ABCB5: variants seen among roughly 807,000 people sequenced by gnomAD.
ABCB5 encodes ATP-binding cassette sub-family B member 5.
A neutral mutation model predicts 144.2 loss-of-function variants in ABCB5; 155 were observed. The observed-to-expected ratio is 1.08, with a 90% CI of 0.94 to 1.23. The LOEUF is 1.23. Ranked by LOEUF, ABCB5 falls within the 50% of genes most tolerant of loss-of-function variation. The probability of loss-of-function intolerance (pLI) is 0.00; values close to 1 mark genes in which losing one functional copy is unlikely to be tolerated. For missense variants in ABCB5, 1,830 were observed against 1,520.8 expected, an observed-to-expected ratio of 1.20 and a Z score of -3.38; for synonymous variants, 610 against 528.6, an observed-to-expected ratio of 1.15 and a Z score of -2.11.
intron 16 of ABCB5, among the ~76,000 whole-genome samples, chr7:20,690,116 T>G (rs1390113092): frequency 2.0e-5 from 3 of 152,198 alleles, no homozygotes; most frequent in Non-Finnish European, 4.4e-5. Context: ...CCCATTAACC[T>G]GAATGAATAA....
Position 20,698,507 on chromosome 7 carries a change from C to T in ABCB5, c.2111C>T (p.Thr704Ile), listed in dbSNP as rs1352406419. The T allele has an allele frequency of 2.5e-6, 4 of 1,602,126 alleles. No individual in the cohort carries two copies. In the African/African-American group the frequency reaches 5.4e-5, roughly 22 times the overall value. The change falls in exon 17 of 28, where the codon ACT becomes ATT. Residue 704 changes from threonine (T) to isoleucine (I), a missense_variant. Physicochemically the swap from Thr to Ile is moderately conservative, Grantham distance 89. Coordinates refer to ENST00000404938, the MANE Select transcript of ABCB5 (RefSeq NM_001163941.2). ...ACATTGGCTTCTGTTCTAAATGGAA[C>T]TGTTCATCCAGTATTTTCCATCATC... ...LGTLASVLNGTVHPVFSIIFA... is the reference protein window; with the variant it reads ...LGTLASVLNGIVHPVFSIIFA...
At chr7:20,655,423 A>T (rs150092436) in intron 13 of ABCB5, among the ~76,000 whole-genome samples, 3 of 152,292 alleles carry the variant, frequency 2.0e-5, no homozygotes, top group African/African-American at 2.4e-5. Flanking sequence ...CAGTGAGCTG[A>T]GATAGCACCA....
chr7:20,723,310 T>C (rs1369654152), intron 21 of ABCB5, 91 bp downstream of exon 21: 4 of 1,301,960 alleles, frequency 3.1e-6, no homozygotes, highest in Non-Finnish European at 4.3e-6. Flanking sequence ...GTGTTAACCA[T>C]CTTTATGATA....
At chr7:20,680,194 T>C (rs1464484689) in intron 14 of ABCB5, among the ~76,000 whole-genome samples, 1 of 152,114 alleles carries the variant, frequency 6.6e-6, no homozygotes, top group Non-Finnish European at 1.5e-5. Flanking sequence ...TTATATAAAT[T>C]ACCAGAAAAT....
At chr7:20,639,809 T>G (rs566625955) in intron 5 of ABCB5, among the ~76,000 whole-genome samples, 1 of 152,346 alleles carries the variant, frequency 6.6e-6, no homozygotes, top group South Asian at 2.1e-4. Context: ...TTCTTCTTTT[T>G]AAAAATTACT....
intron 26 of ABCB5, among the ~76,000 whole-genome samples, chr7:20,751,477 A>T (rs995810567): frequency 6.6e-6 from 1 of 152,114 alleles, no homozygotes; most frequent in Non-Finnish European, 1.5e-5. Flanking sequence ...TAAAAAAATA[A>T]ATAAATAAAT....
intron 19 of ABCB5, among the ~76,000 whole-genome samples, chr7:20,700,810 A>G (rs2128043454): frequency 6.6e-6 from 1 of 152,366 alleles, no homozygotes; most frequent in East Asian, 1.9e-4. Flanking sequence ...GCCAGTAATC[A>G]TTAGTAGCCC....
chr7:20,628,219 T>C (rs1422357725), intron 3 of ABCB5, among the ~76,000 whole-genome samples: 2 of 152,120 alleles, frequency 1.3e-5, no homozygotes, highest in East Asian at 3.8e-4. Flanking sequence ...CCATGTGTTC[T>C]CATTGTTCAA....
chr7:20,616,283 G>C (rs1562522961), intron 1 of ABCB5, among the ~76,000 whole-genome samples: 1 of 152,098 alleles, frequency 6.6e-6, no homozygotes, highest in Non-Finnish European at 1.5e-5. Context: ...TGATCCAGCC[G>C]CCTTGGCCTC....
Position 20,626,612 on chromosome 7 carries a change from G to T in ABCB5, c.108+1G>T, listed in dbSNP as rs17143187. On this transcript the variant is annotated splice_donor_variant, in intron 3 of 27. Coordinates refer to ENST00000404938, the MANE Select transcript of ABCB5 (RefSeq NM_001163941.2). LOFTEE classifies it high-confidence loss of function. Reference sequence around the variant, plus strand: ...GGAAGCAGTTGGATCTATTGAGATAGTAAGTGAAATCAGTTAGAAAGTACA... The same window carrying T: ...GGAAGCAGTTGGATCTATTGAGATATTAAGTGAAATCAGTTAGAAAGTACA... 1.2e-6 allele frequency: 2 copies of T among 1,602,560 alleles called. No individual in the cohort carries two copies. Among genetic ancestry groups the T allele is most frequent in the East Asian group, 4.5e-5 (2 of 44,538 alleles).
chr7:20,658,486 T>A lies in ABCB5; in HGVS notation c.1537-20T>A. 1 of 1,610,446 alleles carries A rather than the reference T, an allele frequency of 6.2e-7. No homozygotes were observed. The highest frequency in any genetic ancestry group is 1.1e-5 in the South Asian group (1 of 90,620). On this transcript the variant is annotated intron_variant, in intron 13 of 27. Coordinates refer to ENST00000404938, the MANE Select transcript of ABCB5 (RefSeq NM_001163941.2). ...TCACGCTGCCTTCTGTTTCTGTGCT[T>A]CTTTCCTATTTTTCATTAGAAATTT...
At chr7:20,696,162 T>G (rs2128042536) in intron 16 of ABCB5, among the ~76,000 whole-genome samples, 1 of 152,200 alleles carries the variant, frequency 6.6e-6, no homozygotes, top group South Asian at 2.1e-4. Context: ...TGGGAACCAC[T>G]CAAATTTATA....
At chr7:20,712,371 C>G (rs1267010922) in intron 20 of ABCB5, among the ~76,000 whole-genome samples, 1 of 148,580 alleles carries the variant, frequency 6.7e-6, no homozygotes, top group Non-Finnish European at 1.5e-5. Context: ...GTTTCTTATG[C>G]TTGAAGTTCA....
intron 2 of ABCB5, among the ~76,000 whole-genome samples, 161 bp downstream of exon 2, chr7:20,623,499 T>C (rs1423159052): frequency 6.6e-6 from 1 of 152,184 alleles, no homozygotes; most frequent in African/African-American, 2.4e-5. Flanking sequence ...ATTAATTTAA[T>C]AGTGATTTTA....
chr7:20,723,534 G>T (rs186345257), intron 21 of ABCB5, among the ~76,000 whole-genome samples: 121 of 152,288 alleles, frequency 7.9e-4, no homozygotes, highest in Non-Finnish European at 1.3e-3. Flanking sequence ...TAGACTTCAG[G>T]TTTCTCATCT....
chr7:20,684,290 A>G (rs972188627), intron 15 of ABCB5, among the ~76,000 whole-genome samples: 4 of 152,226 alleles, frequency 2.6e-5, no homozygotes, highest in African/African-American at 9.6e-5. Context: ...ATGTAGAGAT[A>G]TACACATATC....
In ABCB5 at chr7:20,643,526, CTT is replaced by C. The variant is rs1182038800; in HGVS notation, c.576_577del (p.Ser193AspfsTer33). 6.2e-7 allele frequency: 1 copy of C among 1,614,008 alleles called. No homozygotes were observed. On this transcript the variant is annotated frameshift_variant, in exon 7 of 28. Coordinates refer to ENST00000404938, the MANE Select transcript of ABCB5 (RefSeq NM_001163941.2). LOFTEE classifies it high-confidence loss of function. ...GCTCTGTTGTTTCAAAACATGTCTA[CTT>C]TTTCGATTGGCCTGGCAGTTGGTTT... is the stretch of plus-strand genomic sequence containing the variant.
At position 20,756,694 on chromosome 7, in the gene ABCB5, T is replaced by A. The variant is rs1783097474; in HGVS notation, c.*1070T>A. 1 of 152,160 alleles carries A rather than the reference T, an allele frequency of 6.6e-6. No individual in the cohort carries two copies. The highest frequency in any genetic ancestry group is 6.5e-5 in the Admixed American group (1 of 15,278). The allele number at this position is 152,160 out of a possible 1,614,324, so 9.4% of individuals were successfully genotyped here. ...TATTGTGGGTGAAAATTTTTAAACGTCTTTCTCTATAATAAAATAATTTCC... is the reference window on the plus strand; with the variant it reads ...TATTGTGGGTGAAAATTTTTAAACGACTTTCTCTATAATAAAATAATTTCC... On this transcript the variant is annotated 3_prime_UTR_variant, in exon 28 of 28. Coordinates refer to ENST00000404938, the MANE Select transcript of ABCB5 (RefSeq NM_001163941.2).
chr7:20,711,963 G>C (rs1453179198), intron 20 of ABCB5, among the ~76,000 whole-genome samples: 1 of 137,522 alleles, frequency 7.3e-6, no homozygotes, highest in African/African-American at 2.7e-5. Flanking sequence ...TGCTCAGCTG[G>C]GCACAGTGGC....
Sources: allele counts gnomAD v4.1 joint callset (sites outside exome capture counted in the v4.1 genomes callset), GRCh38; gene constraint gnomAD v4.1.1; transcripts MANE v1.5; gene names NCBI Gene and HGNC (gene_info 2026-07-23, HGNC 2026-07-21).